Variants in SUSD1 observed in about 807,000 individuals in gnomAD.
The protein encoded by SUSD1 is sushi domain containing 1.
SUSD1 carries 65 observed loss-of-function variants against 86.9 expected under a neutral mutation model. That is an observed-to-expected ratio of 0.75 (90% CI 0.61 to 0.92). The LOEUF (loss-of-function observed/expected upper bound fraction) is 0.92. Among genes scored for constraint, SUSD1 ranks in the 40% least tolerant of loss-of-function variants. SUSD1 has a pLI of 0.00. For missense variants in SUSD1, 850 were observed against 929.7 expected (o/e 0.91, Z 1.11); for synonymous variants, 346 against 350.0 (o/e 0.99, Z 0.13).
At chr9:112,067,157 C>T (rs1481964505) in intron 12 of SUSD1, among the ~76,000 whole-genome samples, 3 of 152,334 alleles carry the variant, frequency 2.0e-5, no homozygotes, top group East Asian at 1.9e-4. Context: ...GGATTACAGG[C>T]GTGAGCCACC....
chr9:112,066,403 A>G (rs1189285470), intron 12 of SUSD1, among the ~76,000 whole-genome samples: 1 of 152,198 alleles, frequency 6.6e-6, no homozygotes, highest in Non-Finnish European at 1.5e-5. Context: ...GCTTGAGTAC[A>G]CAGGAAATGT....
At chr9:112,085,135 G>A (rs889992078) in intron 10 of SUSD1, among the ~76,000 whole-genome samples, 9 of 152,170 alleles carry the variant, frequency 5.9e-5, no homozygotes, top group African/African-American at 1.7e-4. Context: ...AGCTATGATT[G>A]TTCAAATGCA....
chr9:112,141,218 T>G (rs934479696), intron 5 of SUSD1, among the ~76,000 whole-genome samples: 4 of 152,178 alleles, frequency 2.6e-5, no homozygotes, highest in Non-Finnish European at 5.9e-5. Flanking sequence ...AACACGTGAG[T>G]GTGATGCACT....
At chr9:112,086,999 T>A (rs1486795501) in intron 10 of SUSD1, among the ~76,000 whole-genome samples, 2 of 149,422 alleles carry the variant, frequency 1.3e-5, no homozygotes, top group African/African-American at 4.9e-5. Flanking sequence ...ATATAAAATA[T>A]ACATATATAA....
Position 112,157,460 on chromosome 9 carries a change from C to T in SUSD1, c.217+40G>A, listed in dbSNP as rs745855595. On this transcript the variant is annotated intron_variant, in intron 2 of 16. Transcript: ENST00000374270. ...TTTAATACAAGAGAATCTTGTTTCT[C>T]GATTCAGCTTTTCAACTTAACCCAG... The T allele has an allele frequency of 4.1e-5, 58 of 1,402,072 alleles. No individual in the cohort carries two copies. The East Asian group carries it at 6.9e-4, about 17-fold the overall frequency. The allele number at this position is 1,402,072 out of a possible 1,614,324, so 86.9% of individuals were successfully genotyped here.
intron 6 of SUSD1, among the ~76,000 whole-genome samples, chr9:112,118,294 C>T (rs1271469502): frequency 6.6e-6 from 1 of 152,148 alleles, no homozygotes; most frequent in Non-Finnish European, 1.5e-5. Flanking sequence ...GGCAGCACCA[C>T]AGAAATCAGG....
Position 112,072,155 on chromosome 9 carries a change from TTG to T in SUSD1, c.1753+6381_1753+6382del, listed in dbSNP as rs1317055792. ...CTTTCTTTCTCTTTTTTTTTTTTTT[TTG>T]TTTTTTTTTTTGAGACGGAGTCTCA... On this transcript the variant is annotated intron_variant, in intron 12 of 16. Transcript: ENST00000374270. Among the ~76,000 whole-genome samples the T allele has an allele frequency of 2.6e-4, 36 of 140,168 alleles. No individual in the cohort carries two copies. The South Asian group carries it at 4.3e-3, about 17-fold the overall frequency. 92.0% of individuals were successfully genotyped at this position (140,168 alleles called of 152,430 possible). A position where few individuals can be genotyped will look rare whatever the true frequency, so the allele number is the denominator to read the frequency against.
intron 5 of SUSD1, among the ~76,000 whole-genome samples, chr9:112,130,058 T>A (rs975709856): frequency 2.6e-5 from 4 of 152,134 alleles, no homozygotes; most frequent in Non-Finnish European, 5.9e-5. Flanking sequence ...AAGAAAGTTG[T>A]TCAGGCCTCA....
At chr9:112,071,882 T>C (rs186435148) in intron 12 of SUSD1, among the ~76,000 whole-genome samples, 6 of 152,282 alleles carry the variant, frequency 3.9e-5, no homozygotes, top group African/African-American at 1.4e-4. Flanking sequence ...ATCCAAGGCA[T>C]GGTAAATTAA....
chr9:112,094,167 T>C (rs568979703), intron 10 of SUSD1, among the ~76,000 whole-genome samples: 1 of 152,272 alleles, frequency 6.6e-6, no homozygotes, highest in South Asian at 2.1e-4. Context: ...TCATAAGCTC[T>C]CCAGGTAATC....
chr9:112,161,341 C>T (rs926079222), intron 1 of SUSD1, among the ~76,000 whole-genome samples: 5 of 150,754 alleles, frequency 3.3e-5, no homozygotes, highest in African/African-American at 7.4e-5. Context: ...GATAGCACCA[C>T]TGCACTCCAG....
Position 112,170,690 on chromosome 9 carries a change from A to T in SUSD1, c.103+4443T>A, listed in dbSNP as rs540148995. Reference sequence around the variant, plus strand: ...GAATATACAAATGGACAATGGCCAGATCATATATATATATATATATAGAGA... The same window carrying T: ...GAATATACAAATGGACAATGGCCAGTTCATATATATATATATATATAGAGA... On this transcript the variant is annotated intron_variant, in intron 1 of 16. Coordinates refer to ENST00000374270, the MANE Select transcript of SUSD1 (RefSeq NM_022486.5). Among the ~76,000 whole-genome samples, 28 of 87,374 alleles carry T rather than the reference A, an allele frequency of 3.2e-4. No homozygotes were observed. The East Asian group carries it at 7.4e-3, about 23-fold the overall frequency. The allele number at this position is 87,374 out of a possible 152,430, so 57.3% of individuals were successfully genotyped here. A position where few individuals can be genotyped will look rare whatever the true frequency, so the allele number is the denominator to read the frequency against.
chr9:112,082,248 A>AT (rs1829798218), intron 10 of SUSD1, among the ~76,000 whole-genome samples: 1 of 152,146 alleles, frequency 6.6e-6, no homozygotes, highest in African/African-American at 2.4e-5. Context: ...AAAACTGATC[A>AT]TTTTCTATCT....
At chr9:112,075,870 A>G (rs1016680741) in intron 12 of SUSD1, among the ~76,000 whole-genome samples, 4 of 152,226 alleles carry the variant, frequency 2.6e-5, no homozygotes, top group African/African-American at 9.6e-5. Context: ...CTGAACAACT[A>G]TGGAGAAGCC....
rs114987604 is a variant in SUSD1, at chr9:112,084,866, C to G, written c.1475-4701G>C. Reference sequence around the variant, plus strand: ...TTGAAAAACCAGAACTGCAAGAATGCCTCAAAAAAGAGAAAATTAAGCTCT... The same window carrying G: ...TTGAAAAACCAGAACTGCAAGAATGGCTCAAAAAAGAGAAAATTAAGCTCT... On this transcript the variant is annotated intron_variant, in intron 10 of 16. Transcript: ENST00000374270. Among the ~76,000 whole-genome samples, 1,190 of 152,246 alleles carry G rather than the reference C, an allele frequency of 7.8e-3. 15 individuals are homozygous for G. The highest frequency in any genetic ancestry group is 0.027 in the African/African-American group (1,124 of 41,548).
chr9:112,110,980 G>A (rs1450905886), intron 8 of SUSD1, among the ~76,000 whole-genome samples: 1 of 149,134 alleles, frequency 6.7e-6, no homozygotes, highest in Non-Finnish European at 1.5e-5. Context: ...GCAAGAAATG[G>A]CTTTTTGGTT....
intron 12 of SUSD1, among the ~76,000 whole-genome samples, chr9:112,071,836 T>C (rs1829282648): frequency 6.6e-6 from 1 of 152,170 alleles, no homozygotes; most frequent in Non-Finnish European, 1.5e-5. Flanking sequence ...ATGGTTCTTT[T>C]CTAATCCTCA....
At position 112,097,395 on chromosome 9, in the gene SUSD1, C is replaced by CTT. The variant is rs764568520; in HGVS notation, c.1474+1073_1474+1074dup. ...ATGAGTGTCTAACACATTTCAGAGT[C>CTT]TTTTTTTTTTTTTTTTTTTTGAGAT... On this transcript the variant is annotated intron_variant, in intron 10 of 16. Coordinates refer to ENST00000374270, the MANE Select transcript of SUSD1 (RefSeq NM_022486.5). Among the ~76,000 whole-genome samples, 248 of 103,262 alleles carry CTT rather than the reference C, an allele frequency of 2.4e-3. 4 individuals carry two copies. The highest frequency in any genetic ancestry group is 7.8e-3 in the African/African-American group (203 of 25,952). 67.7% of individuals were successfully genotyped at this position (103,262 alleles called of 152,430 possible).
At chr9:112,092,871 AAAT>A (rs1189615569) in intron 10 of SUSD1, among the ~76,000 whole-genome samples, 1 of 152,236 alleles carries the variant, frequency 6.6e-6, no homozygotes, top group Admixed American at 6.5e-5. Flanking sequence ...AAGGCAACAT[AAAT>A]AATAATCAAA....
Sources: allele counts gnomAD v4.1 joint callset (sites outside exome capture counted in the v4.1 genomes callset), GRCh38; gene constraint gnomAD v4.1.1; transcripts MANE v1.5; gene names NCBI Gene and HGNC (gene_info 2026-07-23, HGNC 2026-07-21).